The following LTBP1 variants were observed in gnomAD, a reference collection of about 807,000 sequenced individuals.
LTBP1 encodes the protein latent-transforming growth factor beta-binding protein 1.
Under a neutral mutation model 207.6 loss-of-function variants are expected in LTBP1, and 129 were observed. The ratio of observed to expected loss-of-function variants is 0.62; its 90% CI spans 0.54 to 0.72. LTBP1 has a LOEUF of 0.72. Among genes scored for constraint, LTBP1 ranks in the 30% least tolerant of loss-of-function variants. The pLI, the probability that LTBP1 is intolerant of heterozygous loss-of-function variation, is 0.00. For missense variants in LTBP1, 2,281 were observed against 2,217.2 expected (o/e 1.03, Z -0.58); for synonymous variants, 963 against 833.7 (o/e 1.16, Z -2.67).
At chr2:33,347,632 T>C (rs2094721738) in intron 26 of LTBP1, 122 bp downstream of exon 26, 2 of 1,176,228 alleles carry the variant, frequency 1.7e-6, no homozygotes, top group Non-Finnish European at 2.4e-6. Flanking sequence ...GACACAGTGC[T>C]GTCTCTGGAA....
intron 31 of LTBP1, among the ~76,000 whole-genome samples, chr2:33,376,770 T>A (rs1416935878): frequency 6.6e-6 from 1 of 152,088 alleles, no homozygotes; most frequent in African/African-American, 2.4e-5. Context: ...CCCTAGTAGA[T>A]CAATAGCTGC....
chr2:33,119,503 T>G (rs218193), intron 4 of LTBP1, among the ~76,000 whole-genome samples: 6,992 of 152,316 alleles, frequency 0.046, 206 homozygotes, highest in Middle Eastern at 0.071. Context: ...TGAAAATGAC[T>G]GCATTGGAGT....
chr2:33,063,200 T>C (rs896604905), intron 3 of LTBP1: 2 of 151,866 alleles, frequency 1.3e-5, no homozygotes, highest in Non-Finnish European at 2.9e-5. Flanking sequence ...GTTCGAATTA[T>C]AGAATTAGTT....
intron 4 of LTBP1, among the ~76,000 whole-genome samples, chr2:33,121,153 TAA>T (rs1275476244): frequency 7.0e-6 from 1 of 142,334 alleles, no homozygotes; most frequent in African/African-American, 2.6e-5. Context: ...ATAAATTTTG[TAA>T]AGTCTTTTTT....
intron 7 of LTBP1, among the ~76,000 whole-genome samples, chr2:33,192,516 G>T (rs550845989): frequency 6.7e-6 from 1 of 148,744 alleles, no homozygotes; most frequent in African/African-American, 2.6e-5. Context: ...TTGTTGCCTG[G>T]TTTCTTAAAA....
At chr2:33,385,525 C>T (rs2095258141) in intron 31 of LTBP1, among the ~76,000 whole-genome samples, 1 of 152,152 alleles carries the variant, frequency 6.6e-6, no homozygotes, top group Non-Finnish European at 1.5e-5. Flanking sequence ...ACAACATTAT[C>T]TCATTTTTTT....
chr2:33,145,925 G>A (rs1261808982), intron 5 of LTBP1, among the ~76,000 whole-genome samples: 1 of 152,150 alleles, frequency 6.6e-6, no homozygotes, highest in Non-Finnish European at 1.5e-5. Flanking sequence ...TACTGACTCT[G>A]CTGTTCATAC....
At chr2:33,261,811 G>T (rs947436897) in intron 13 of LTBP1, among the ~76,000 whole-genome samples, 1 of 152,208 alleles carries the variant, frequency 6.6e-6, no homozygotes, top group African/African-American at 2.4e-5. Context: ...TATCCAGGCA[G>T]ACTATCTTAG....
rs572528811 is a variant in LTBP1 at position 33,000,357 on chromosome 2, ATTCC to A, written c.566-20549_566-20546del. ...TACCGAGCTACGGAATCCAGGATTC[ATTCC>A]TTGTCTGTGAGGGACATCTGAGCCC... On this transcript the variant is annotated intron_variant, in intron 2 of 33. Coordinates refer to ENST00000404816, the MANE Select transcript of LTBP1 (RefSeq NM_206943.4). 3.1e-4 allele frequency among the ~76,000 whole-genome samples: 42 copies of A among 135,404 alleles called. 13 individuals carry two copies. Among genetic ancestry groups the A allele is most frequent in the Middle Eastern group, 8.2e-3 (2 of 244 alleles). 88.8% of individuals were successfully genotyped at this position (135,404 alleles called of 152,430 possible).
intron 18 of LTBP1, among the ~76,000 whole-genome samples, chr2:33,279,511 GTT>G (rs11363257): frequency 1.1e-4 from 17 of 149,144 alleles, no homozygotes; most frequent in African/African-American, 2.7e-4. Context: ...CTCTCCTCAT[GTT>G]TTTTTTTTTT....
intron 32 of LTBP1, among the ~76,000 whole-genome samples, chr2:33,389,840 A>G (rs1282564042): frequency 6.6e-6 from 1 of 152,124 alleles, no homozygotes; most frequent in East Asian, 1.9e-4. Context: ...GGGTTTCACC[A>G]TGTTGGTCAG....
intron 5 of LTBP1, among the ~76,000 whole-genome samples, chr2:33,157,314 C>T (rs2084051857): frequency 6.6e-6 from 1 of 152,192 alleles, no homozygotes; most frequent in Admixed American, 6.5e-5. Flanking sequence ...AGGAAAACCT[C>T]ATTTCAGTGG....
chr2:33,131,134 G>A (rs189099965), intron 4 of LTBP1, among the ~76,000 whole-genome samples: 1 of 152,270 alleles, frequency 6.6e-6, no homozygotes, highest in African/African-American at 2.4e-5. Context: ...GGATCCGACA[G>A]TCACCCTTGC....
intron 7 of LTBP1, among the ~76,000 whole-genome samples, chr2:33,216,888 C>T (rs2090752521): frequency 1.3e-5 from 2 of 152,194 alleles, no homozygotes; most frequent in South Asian, 4.1e-4. Context: ...ACCAGTGTTG[C>T]ACCAGTAGCC....
chr2:33,096,337 A>C lies in LTBP1; in HGVS notation c.864-14245A>C, dbSNP rs376689308. Among the ~76,000 whole-genome samples, 4 of 152,200 alleles carry C rather than the reference A, an allele frequency of 2.6e-5. No individual in the cohort carries two copies. The East Asian group carries it at 7.7e-4, about 29-fold the overall frequency. The stretch of plus-strand genomic sequence containing the variant: ...TTTTCATAAAAATGAAAATGGAGAC[A>C]ATTTGTTGTAGTACATCTCTACAGC... On this transcript the variant is annotated intron_variant, in intron 3 of 33. Coordinates refer to ENST00000404816, the MANE Select transcript of LTBP1 (RefSeq NM_206943.4).
intron 3 of LTBP1, among the ~76,000 whole-genome samples, chr2:33,096,185 T>TC (rs1313075309): frequency 6.6e-6 from 1 of 152,144 alleles, no homozygotes; most frequent in African/African-American, 2.4e-5. Context: ...TGATCACTTC[T>TC]CATCAGGTAC....
Position 33,273,742 on chromosome 2 carries a change from G to C in LTBP1, c.2704G>C (p.Glu902Gln). ...AGTGAGATATACCTGTATATGCTAC[G>C]AGGGCTACAGGTTCAGTGAACAACA... ...LPVRYTCICY[E>Q]GYRFSEQQRK... is the part of the protein sequence containing the mutation. Residue 902 changes from glutamate to glutamine, a missense_variant, in exon 16 of 34, where the codon GAG becomes CAG. Physicochemically the swap from Glu to Gln is conservative, Grantham distance 29 (BLOSUM62 2). This residue lies in a region of LTBP1 where 1,671 missense variants were observed against 1,634.8 expected (regional missense o/e 1.02). Coordinates refer to ENST00000404816, the MANE Select transcript of LTBP1 (RefSeq NM_206943.4). 6.2e-7 allele frequency: 1 copy of C among 1,610,976 alleles called. No homozygotes were observed. Among genetic ancestry groups the C allele is most frequent in the South Asian group, 1.1e-5 (1 of 90,554 alleles).
At chr2:33,158,499 AG>A (rs950185118) in intron 5 of LTBP1, among the ~76,000 whole-genome samples, 4 of 152,124 alleles carry the variant, frequency 2.6e-5, no homozygotes, top group Non-Finnish European at 4.4e-5. Flanking sequence ...GAATTGAGAC[AG>A]GGCATCCCAG....
chr2:33,325,833 A>G (rs1431977533), intron 24 of LTBP1, among the ~76,000 whole-genome samples: 1 of 152,148 alleles, frequency 6.6e-6, no homozygotes, highest in Non-Finnish European at 1.5e-5. Flanking sequence ...GTAATTCTTT[A>G]CCTACAGGTG....
Sources: gnomAD v4.1 joint callset for allele counts (sites outside exome capture counted in the v4.1 genomes callset) on GRCh38, gnomAD v4.1.1 for gene constraint, gnomAD v4.1.1 regional missense constraint, MANE v1.5 for transcripts, NCBI Gene and HGNC (gene_info 2026-07-23, HGNC 2026-07-21) for gene names.